The following GPR61 variants were observed in gnomAD, a reference collection of about 807,000 sequenced individuals.
GPR61 encodes G protein-coupled receptor 61, also known as G-protein coupled receptor 61.
In GPR61, 15 loss-of-function variants were observed where a neutral mutation model predicts 29.2. That is an observed-to-expected ratio of 0.51 (90% CI 0.34 to 0.79). The LOEUF is 0.79. Ranked by LOEUF, GPR61 falls within the 30% of genes least tolerant of loss-of-function variation. The pLI is 0.01. For synonymous variants in GPR61, 238 were observed against 242.3 expected (o/e 0.98, Z 0.17); for missense variants, 399 against 582.5 (o/e 0.69, Z 3.24).
rs536579760 is a variant in GPR61, at chr1:109,546,364, G to A, written c.*1986G>A. On this transcript the variant is annotated 3_prime_UTR_variant, in exon 2 of 2. Transcript: ENST00000527748. ...CCCTATTAAAATAAATGCATACAGA[G>A]GAATCAATCATTCCTAGACAGGGAA... 1 of 152,098 alleles carries A rather than the reference G, an allele frequency of 6.6e-6. No individual in the cohort carries two copies. Among genetic ancestry groups the A allele is most frequent in the South Asian group, 2.1e-4 (1 of 4,830 alleles). 9.4% of individuals were successfully genotyped at this position (152,098 alleles called of 1,614,324 possible).
chr1:109,545,101 C>G lies in GPR61; in HGVS notation c.*723C>G, dbSNP rs1647760151. 6.6e-6 allele frequency: 1 copy of G among 152,176 alleles called. No homozygotes were observed. Among genetic ancestry groups the G allele is most frequent in the African/African-American group, 2.4e-5 (1 of 41,436 alleles). The allele number at this position is 152,176 out of a possible 1,614,324, so 9.4% of individuals were successfully genotyped here. A position where few individuals can be genotyped will look rare whatever the true frequency, so the allele number is the denominator to read the frequency against. ...TCTGTTCTATTTTTCTGTCTCTCTCCTGCACACAGGAGATCAAGGGTAGAG... is the reference window on the plus strand; with the variant it reads ...TCTGTTCTATTTTTCTGTCTCTCTCGTGCACACAGGAGATCAAGGGTAGAG... On this transcript the variant is annotated 3_prime_UTR_variant, in exon 2 of 2. Transcript: ENST00000527748.
In GPR61 at chr1:109,544,666, A is replaced by G; in HGVS notation, c.*288A>G. ...TGAGGTGAAACCTCTCAATTGGTGA[A>G]ATTTCCATGCTTCCAGAAGCAGGGA... On this transcript the variant is annotated 3_prime_UTR_variant, in exon 2 of 2. Transcript: ENST00000527748. This position sits in a 1 kb window ranked among gnomAD's most constrained non-coding sequence, Gnocchi z 4.6. 2.5e-6 allele frequency: 1 copy of G among 402,418 alleles called. No individual in the cohort carries two copies. Among genetic ancestry groups the G allele is most frequent in the South Asian group, 5.9e-5 (1 of 16,910 alleles). 24.9% of individuals were successfully genotyped at this position (402,418 alleles called of 1,614,324 possible).
chr1:109,543,775 A>T lies in GPR61; in HGVS notation c.753A>T (p.Thr251=). 6.2e-7 allele frequency: 1 copy of T among 1,612,910 alleles called. No individual in the cohort carries two copies. The change falls in exon 2 of 2, where the codon ACA becomes ACT. Residue 251 remains threonine, a synonymous_variant. Coordinates refer to ENST00000527748, the MANE Select transcript of GPR61 (RefSeq NM_001393907.1). The surrounding 1 kb of genome is among the most constrained non-coding windows in gnomAD (Gnocchi z 6.8). ...QHGPLPTWME[T]PRQRSESLSS... ...GGCCGCTGCCCACGTGGATGGAGAC[A>T]CCCCGGCAACGCTCCGAATCTCTCA...
chr1:109,542,125 C>T (rs759540583), intron 1 of GPR61, among the ~76,000 whole-genome samples: 43 of 152,256 alleles, frequency 2.8e-4, no homozygotes, highest in Non-Finnish European at 3.7e-4. Flanking sequence ...TGGGGCCAGA[C>T]TGCCCAGGTA....
At chr1:109,542,400 T>C (rs1167094341) in intron 1 of GPR61, 22 bp from the exon 2 acceptor site, 1 of 297,580 alleles carries the variant, frequency 3.4e-6, no homozygotes, top group Admixed American at 4.0e-5. Context: ...GTGAAGCAAG[T>C]GTTCTTCCTT....
chr1:109,542,785 G>T lies in GPR61; in HGVS notation c.-238G>T. ...CACCTCTCACGTCTCCTGCTTCTTA[G>T]CAGTCACCAAGGCAGACCCTGCAGC... On this transcript the variant is annotated 5_prime_UTR_variant, in exon 2 of 2. Coordinates refer to ENST00000527748, the MANE Select transcript of GPR61 (RefSeq NM_001393907.1). 8.7e-6 allele frequency: 6 copies of T among 693,024 alleles called. No homozygotes were observed. The South Asian group carries it at 9.0e-5, about 10-fold the overall frequency. 42.9% of individuals were successfully genotyped at this position (693,024 alleles called of 1,614,324 possible).
chr1:109,540,649 T>C (rs978374244), intron 1 of GPR61, among the ~76,000 whole-genome samples: 17 of 152,140 alleles, frequency 1.1e-4, no homozygotes, highest in South Asian at 4.1e-4. Flanking sequence ...CATAATGATA[T>C]GACCTGGGAG....
Position 109,542,596 on chromosome 1 carries a change from G to C in GPR61, c.-427G>C. ...ACCCTAAAACTGAGGCACTATCCCA[G>C]AGATCAGCAGGACCCTGGGAAGGAG... On this transcript the variant is annotated 5_prime_UTR_variant, in exon 2 of 2. Transcript: ENST00000527748. 1 of 434,438 alleles carries C rather than the reference G, an allele frequency of 2.3e-6. No individual in the cohort carries two copies. Among genetic ancestry groups the C allele is most frequent in the East Asian group, 7.2e-5 (1 of 13,980 alleles). 26.9% of individuals were successfully genotyped at this position (434,438 alleles called of 1,614,324 possible).
At position 109,542,738 on chromosome 1, in the gene GPR61, T is replaced by C; in HGVS notation, c.-285T>C. 1.6e-6 allele frequency: 1 copy of C among 638,326 alleles called. No homozygotes were observed. The highest frequency in any genetic ancestry group is 2.9e-6 in the Non-Finnish European group (1 of 344,114). 39.5% of individuals were successfully genotyped at this position (638,326 alleles called of 1,614,324 possible). ...GGTGAAGGCCATTCCGAAAGCGGAG[T>C]GTTGAGTGGGTCAGGCTCCTGCACC... is the stretch of plus-strand genomic sequence containing the variant. On this transcript the variant is annotated 5_prime_UTR_variant, in exon 2 of 2. Coordinates refer to ENST00000527748, the MANE Select transcript of GPR61 (RefSeq NM_001393907.1).
chr1:109,545,133 C>T lies in GPR61; in HGVS notation c.*755C>T, dbSNP rs187519350. ...CAGGAGATCAAGGGTAGAGCCTGAT[C>T]TTAGCAGAGACAAGAATAAGGCAGG... On this transcript the variant is annotated 3_prime_UTR_variant, in exon 2 of 2. Transcript: ENST00000527748. 6.6e-6 allele frequency: 1 copy of T among 152,178 alleles called. No homozygotes were observed. 9.4% of individuals were successfully genotyped at this position (152,178 alleles called of 1,614,324 possible). A position where few individuals can be genotyped will look rare whatever the true frequency, so the allele number is the denominator to read the frequency against.
In GPR61 at chr1:109,546,383, C is replaced by G. The variant is rs1167469294; in HGVS notation, c.*2005C>G. 6.6e-6 allele frequency: 1 copy of G among 152,120 alleles called. No individual in the cohort carries two copies. The highest frequency in any genetic ancestry group is 1.5e-5 in the Non-Finnish European group (1 of 68,018). 9.4% of individuals were successfully genotyped at this position (152,120 alleles called of 1,614,324 possible). Reference sequence around the variant, plus strand: ...TACAGAGGAATCAATCATTCCTAGACAGGGAAAAAACTCTTCTTTCAAACA... The same window carrying G: ...TACAGAGGAATCAATCATTCCTAGAGAGGGAAAAAACTCTTCTTTCAAACA... On this transcript the variant is annotated 3_prime_UTR_variant, in exon 2 of 2. Coordinates refer to ENST00000527748, the MANE Select transcript of GPR61 (RefSeq NM_001393907.1).
Position 109,544,318 on chromosome 1 carries a change from C to A in GPR61, c.1296C>A (p.Ser432Arg), listed in dbSNP as rs188111054. The A allele has an allele frequency of 9.9e-6, 16 of 1,613,714 alleles. No individual in the cohort carries two copies. The South Asian group carries it at 1.5e-4, about 16-fold the overall frequency. ...TSEFLEQQLTSDIIMSDSYLR... is the reference protein window; with the variant it reads ...TSEFLEQQLTRDIIMSDSYLR... ...AGTTCCTGGAGCAGCAACTCACCAG[C>A]GACATCATCATGTCAGACAGCTACC... Residue 432 changes from serine (S) to arginine (R), a missense_variant, in exon 2 of 2, where the codon AGC (serine) becomes AGA (arginine). Coordinates refer to ENST00000527748, the MANE Select transcript of GPR61 (RefSeq NM_001393907.1). The surrounding 1 kb of genome is among the most constrained non-coding windows in gnomAD (Gnocchi z 4.6).
At chr1:109,541,744 C>A (rs1647648263) in intron 1 of GPR61, among the ~76,000 whole-genome samples, 1 of 152,228 alleles carries the variant, frequency 6.6e-6, no homozygotes, top group Non-Finnish European at 1.5e-5. Context: ...CAGCTCCTTT[C>A]CCACAAGAGG....
Position 109,543,000 on chromosome 1 carries a change from C to A in GPR61, c.-23C>A, listed in dbSNP as rs1427615714. On this transcript the variant is annotated 5_prime_UTR_variant, in exon 2 of 2. Transcript: ENST00000527748. ...GGGATGGGCCTGTGACAGGAGGTACCCTGGGTGCCCTCTTTCGGCCCCATG... is the reference window on the plus strand; with the variant it reads ...GGGATGGGCCTGTGACAGGAGGTACACTGGGTGCCCTCTTTCGGCCCCATG... The A allele has an allele frequency of 2.6e-6, 4 of 1,548,130 alleles. No homozygotes were observed. Among genetic ancestry groups the A allele is most frequent in the Middle Eastern group, 1.7e-4 (1 of 5,716 alleles).
At chr1:109,539,995 G>C (rs2101075516) in intron 1 of GPR61, 42 bp downstream of exon 1, 1 of 152,550 alleles carries the variant, frequency 6.6e-6, no homozygotes, top group East Asian at 1.9e-4. Flanking sequence ...GCCAGACCCA[G>C]AGCCTGGTGG....
In GPR61 at chr1:109,542,857, G is replaced by T; in HGVS notation, c.-166G>T. 1 of 923,158 alleles carries T rather than the reference G, an allele frequency of 1.1e-6. No homozygotes were observed. The allele number at this position is 923,158 out of a possible 1,614,324, so 57.2% of individuals were successfully genotyped here. ...TGAGCTTCTGATCCTTCAGCTGCCT[G>T]GCCTGGCGCTCTGTACGCAGACAAA... On this transcript the variant is annotated 5_prime_UTR_variant, in exon 2 of 2. Transcript: ENST00000527748.
Position 109,542,850 on chromosome 1 carries a change from G to A in GPR61, c.-173G>A. On this transcript the variant is annotated 5_prime_UTR_variant, in exon 2 of 2. Coordinates refer to ENST00000527748, the MANE Select transcript of GPR61 (RefSeq NM_001393907.1). ...AAGGGGATGAGCTTCTGATCCTTCA[G>A]CTGCCTGGCCTGGCGCTCTGTACGC... is the stretch of plus-strand genomic sequence containing the variant. 1.1e-6 allele frequency: 1 copy of A among 882,438 alleles called. No individual in the cohort carries two copies. The allele number at this position is 882,438 out of a possible 1,614,324, so 54.7% of individuals were successfully genotyped here.
At chr1:109,542,255 G>A (rs1459472113) in intron 1 of GPR61, among the ~76,000 whole-genome samples, 167 bp from the exon 2 acceptor site, 1 of 152,222 alleles carries the variant, frequency 6.6e-6, no homozygotes, top group Non-Finnish European at 1.5e-5. Context: ...TCATAGGGTT[G>A]TGTGAGGAAT....
chr1:109,544,224 C>T lies in GPR61; in HGVS notation c.1202C>T (p.Pro401Leu). ...PSESWVSRPL[P>L]SPKQEPPAVD... ...GAGTCCTGGGTTTCCCGACCCCTACCCAGCCCCAAGCAGGAGCCACCTGCT... is the reference window on the plus strand; with the variant it reads ...GAGTCCTGGGTTTCCCGACCCCTACTCAGCCCCAAGCAGGAGCCACCTGCT... The change falls in exon 2 of 2, where the codon CCC becomes CTC. Residue 401 changes from proline (P) to leucine (L), a missense_variant. This residue lies in a region of GPR61 where 320 missense variants were observed against 459.8 expected (regional missense o/e 0.70). Transcript: ENST00000527748. This position sits in a 1 kb window ranked among gnomAD's most constrained non-coding sequence, Gnocchi z 4.6. 1 of 1,614,094 alleles carries T rather than the reference C, an allele frequency of 6.2e-7. No individual in the cohort carries two copies. Among genetic ancestry groups the T allele is most frequent in the Non-Finnish European group, 8.5e-7 (1 of 1,180,032 alleles).
Sources: gnomAD v4.1 joint callset for allele counts (sites outside exome capture counted in the v4.1 genomes callset) on GRCh38, gnomAD v4.1.1 for gene constraint, gnomAD v4.1.1 regional missense constraint, Gnocchi (gnomAD v3.1) non-coding constraint, MANE v1.5 for transcripts, NCBI Gene and HGNC (gene_info 2026-07-23, HGNC 2026-07-21) for gene names.